Variants in COMMD10 observed in about 807,000 individuals in gnomAD.
The protein encoded by COMMD10 is COMM domain-containing protein 10.
A neutral mutation model predicts 28.9 loss-of-function variants in COMMD10; 33 were observed. That is an observed-to-expected ratio of 1.14 (90% CI 0.87 to 1.53). The LOEUF is 1.53. Among genes scored for constraint, COMMD10 ranks in the 40% most tolerant of loss-of-function variants. The probability of loss-of-function intolerance (pLI) is 0.00; values close to 1 mark genes in which losing one functional copy is unlikely to be tolerated. For missense variants in COMMD10, 310 were observed against 233.4 expected (o/e 1.33, Z -2.14); for synonymous variants, 110 against 81.7 (o/e 1.35, Z -1.87).
At chr5:116,248,547 G>C (rs531787215) in intron 5 of COMMD10, among the ~76,000 whole-genome samples, 1 of 151,984 alleles carries the variant, frequency 6.6e-6, no homozygotes, top group South Asian at 2.1e-4. Context: ...GTACAGTTCT[G>C]TTTTTGTTGT....
chr5:116,284,334 G>C (rs954200385), intron 5 of COMMD10, among the ~76,000 whole-genome samples: 1 of 149,152 alleles, frequency 6.7e-6, no homozygotes, highest in African/African-American at 2.6e-5. Context: ...GTATGTGTGT[G>C]TGTATGTATG....
intron 5 of COMMD10, among the ~76,000 whole-genome samples, chr5:116,137,408 A>G (rs940026759): frequency 3.3e-5 from 5 of 152,050 alleles, no homozygotes; most frequent in African/African-American, 9.7e-5. Flanking sequence ...TTTATGATAT[A>G]AAGTATCTTA....
intron 5 of COMMD10, among the ~76,000 whole-genome samples, chr5:116,160,146 G>T (rs1225030126): frequency 6.6e-6 from 1 of 152,102 alleles, no homozygotes; most frequent in African/African-American, 2.4e-5. Flanking sequence ...CTAGACCCTT[G>T]AACCTATTTT....
At chr5:116,126,779 A>G (rs193030194) in intron 4 of COMMD10, among the ~76,000 whole-genome samples, 2 of 152,340 alleles carry the variant, frequency 1.3e-5, no homozygotes, top group African/African-American at 2.4e-5. Context: ...TTAATTCAAG[A>G]TAGTTTAAAG....
Position 116,275,652 on chromosome 5 carries a change from C to T in COMMD10, c.511-15865C>T, listed in dbSNP as rs533170678. ...AATTAGTCTCAATATCCATAAAATA[C>T]ACCATGTTCTGTATAAATCAAAGCA... On this transcript the variant is annotated intron_variant, in intron 5 of 6. Transcript: ENST00000274458. 2.6e-5 allele frequency among the ~76,000 whole-genome samples: 4 copies of T among 151,830 alleles called. No individual in the cohort carries two copies. In the South Asian group the frequency reaches 8.3e-4, roughly 31 times the overall value.
chr5:116,147,932 A>T (rs1252154648), intron 5 of COMMD10, among the ~76,000 whole-genome samples: 1 of 151,862 alleles, frequency 6.6e-6, no homozygotes, highest in Non-Finnish European at 1.5e-5. Flanking sequence ...ATTATATTGT[A>T]AACAACATCT....
intron 5 of COMMD10, among the ~76,000 whole-genome samples, chr5:116,219,029 G>C (rs1432313734): frequency 1.3e-5 from 2 of 152,052 alleles, no homozygotes; most frequent in Non-Finnish European, 2.9e-5. Flanking sequence ...TGGTGTCTTT[G>C]TAAGAAAAAG....
rs190964932 is a variant in COMMD10, at chr5:116,285,736, G to A, written c.511-5781G>A. On this transcript the variant is annotated intron_variant, in intron 5 of 6. Transcript: ENST00000274458. The stretch of plus-strand genomic sequence containing the variant: ...ATAATGATATGTAGTATACCATGGT[G>A]TATAAACCCTTTAATGTGCTCTTGA... Among the ~76,000 whole-genome samples, 10 of 151,982 alleles carry A rather than the reference G, an allele frequency of 6.6e-5. No individual in the cohort carries two copies. In the East Asian group the frequency reaches 1.5e-3, roughly 23 times the overall value.
chr5:116,117,187 G>T lies in COMMD10; in HGVS notation c.400-16881G>T, dbSNP rs999415784. On this transcript the variant is annotated intron_variant, in intron 4 of 6. Coordinates refer to ENST00000274458, the MANE Select transcript of COMMD10 (RefSeq NM_016144.4). ...TCTGTATTTCTGTTCATGTATGTTT[G>T]GGTTTTTTACAGTTTCTGGCTAATA... 2.6e-5 allele frequency among the ~76,000 whole-genome samples: 4 copies of T among 152,138 alleles called. No homozygotes were observed. The East Asian group carries it at 7.7e-4, about 29-fold the overall frequency.
At chr5:116,122,985 C>T (rs1226123957) in intron 4 of COMMD10, among the ~76,000 whole-genome samples, 3 of 152,058 alleles carry the variant, frequency 2.0e-5, no homozygotes, top group Non-Finnish European at 4.4e-5. Context: ...CTCTTGCCTG[C>T]TTGCCCTGGC....
chr5:116,264,488 G>T (rs1029632918), intron 5 of COMMD10, among the ~76,000 whole-genome samples: 2 of 151,760 alleles, frequency 1.3e-5, no homozygotes, highest in African/African-American at 4.9e-5. Context: ...AGCATGCAAA[G>T]ATTATATTTT....
rs568377658 is a variant in COMMD10 at position 116,189,208 on chromosome 5, C to T, written c.510+55030C>T. Reference sequence around the variant, plus strand: ...GAGTTTCCATCAACTAGTTGGAAATCGCTGCATGAGACTTCACATCTAGGA... The same window carrying T: ...GAGTTTCCATCAACTAGTTGGAAATTGCTGCATGAGACTTCACATCTAGGA... On this transcript the variant is annotated intron_variant, in intron 5 of 6. Transcript: ENST00000274458. Among the ~76,000 whole-genome samples the T allele has an allele frequency of 1.2e-3, 189 of 152,194 alleles. 1 individual carries two copies. Among genetic ancestry groups the T allele is most frequent in the Admixed American group, 3.4e-3 (52 of 15,284 alleles).
intron 5 of COMMD10, among the ~76,000 whole-genome samples, chr5:116,170,053 C>CTT (rs916059097): frequency 6.6e-5 from 10 of 152,270 alleles, no homozygotes; most frequent in Non-Finnish European, 1.3e-4. Flanking sequence ...AAAATTGTCT[C>CTT]TTTTTGCAGA....
At chr5:116,220,609 A>G (rs1376639569) in intron 5 of COMMD10, among the ~76,000 whole-genome samples, 2 of 152,206 alleles carry the variant, frequency 1.3e-5, no homozygotes, top group Non-Finnish European at 1.5e-5. Flanking sequence ...CAAGCATTGT[A>G]TAAACACTGG....
intron 5 of COMMD10, among the ~76,000 whole-genome samples, chr5:116,287,003 A>T (rs1351013079): frequency 6.6e-6 from 1 of 151,824 alleles, no homozygotes; most frequent in African/African-American, 2.4e-5. Context: ...ATCCTGCCAA[A>T]GTTTGTTCCA....
rs146910261 is a variant in COMMD10 at position 116,196,954 on chromosome 5, C to T, written c.510+62776C>T. On this transcript the variant is annotated intron_variant, in intron 5 of 6. Coordinates refer to ENST00000274458, the MANE Select transcript of COMMD10 (RefSeq NM_016144.4). ...TTAGGAGCATTTCTGTCGATGTATT[C>T]CTATCTTTCAGTATGTGCTTACATA... 8.1e-4 allele frequency among the ~76,000 whole-genome samples: 123 copies of T among 152,124 alleles called. 1 individual carries two copies. The Middle Eastern group carries it at 0.014, about 17-fold the overall frequency.
intron 5 of COMMD10, among the ~76,000 whole-genome samples, chr5:116,234,796 C>G (rs982612796): frequency 6.6e-6 from 1 of 152,136 alleles, no homozygotes; most frequent in Non-Finnish European, 1.5e-5. Context: ...AAAAGGTTCT[C>G]AGAGTCTGTT....
At chr5:116,204,153 A>G (rs949827648) in intron 5 of COMMD10, among the ~76,000 whole-genome samples, 1 of 152,128 alleles carries the variant, frequency 6.6e-6, no homozygotes, top group African/African-American at 2.4e-5. Context: ...AGGCCATTAC[A>G]TCATGGTAAA....
At chr5:116,096,230 T>A (rs1750462512) in intron 4 of COMMD10, among the ~76,000 whole-genome samples, 1 of 152,032 alleles carries the variant, frequency 6.6e-6, no homozygotes, top group Non-Finnish European at 1.5e-5. Flanking sequence ...TGAGTATATC[T>A]ATTTATTTAG....
Sources: allele counts gnomAD v4.1 joint callset (sites outside exome capture counted in the v4.1 genomes callset), GRCh38; gene constraint gnomAD v4.1.1; transcripts MANE v1.5; gene names NCBI Gene and HGNC (gene_info 2026-07-23, HGNC 2026-07-21).